The following CEP112 variants were observed in gnomAD, a reference collection of about 807,000 sequenced individuals.
CEP112 encodes centrosomal protein 112.
CEP112 carries 127 observed loss-of-function variants against 153.0 expected under a neutral mutation model. The ratio of observed to expected loss-of-function variants is 0.83; its 90% CI spans 0.72 to 0.96. The LOEUF (loss-of-function observed/expected upper bound fraction) is 0.96. CEP112 is among the 40% of genes least tolerant of loss of function. The pLI is 0.00. For missense variants in CEP112, 1,089 were observed against 1,101.2 expected, an observed-to-expected ratio of 0.99 and a Z score of 0.16; for synonymous variants, 358 against 374.4, an observed-to-expected ratio of 0.96 and a Z score of 0.51.
chr17:66,029,260 CA>C lies in CEP112; in HGVS notation c.1374-9del. Reference sequence around the variant, plus strand: ...TTATGCAGTGTGTTACGCCTAAAAACAAGAGAATAAAATAGACTTTCAATGT... The same window carrying C: ...TTATGCAGTGTGTTACGCCTAAAAACAGAGAATAAAATAGACTTTCAATGT... On this transcript the variant is annotated splice_polypyrimidine_tract_variant and intron_variant, in intron 13 of 26. Transcript: ENST00000535342. The C allele has an allele frequency of 6.2e-7, 1 of 1,603,126 alleles. No homozygotes were observed. Among genetic ancestry groups the C allele is most frequent in the Non-Finnish European group, 8.5e-7 (1 of 1,175,588 alleles).
At chr17:66,140,206 A>C (rs992359666) in intron 4 of CEP112, among the ~76,000 whole-genome samples, 1 of 152,186 alleles carries the variant, frequency 6.6e-6, no homozygotes, top group African/African-American at 2.4e-5. Context: ...ATGCAGAAAG[A>C]GCATGACGAA....
chr17:65,659,015 CAAAA>C (rs777326885), intron 24 of CEP112, among the ~76,000 whole-genome samples: 139 of 55,590 alleles, frequency 2.5e-3, no homozygotes, highest in African/African-American at 7.7e-3. Context: ...GACTCTGTCT[CAAAA>C]AAAAAAAAAA....
chr17:65,709,129 A>G (rs1391071638), intron 23 of CEP112, among the ~76,000 whole-genome samples: 1 of 152,170 alleles, frequency 6.6e-6, no homozygotes, highest in Non-Finnish European at 1.5e-5. Context: ...AATAACAATA[A>G]TCTCCCCTTT....
chr17:65,726,200 G>A (rs2050171489), intron 23 of CEP112, among the ~76,000 whole-genome samples: 1 of 151,984 alleles, frequency 6.6e-6, no homozygotes, highest in Non-Finnish European at 1.5e-5. Context: ...ATAGCTGGGT[G>A]TGGTGGTGGG....
At position 65,974,953 on chromosome 17, in the gene CEP112, TAA is replaced by T. The variant is rs34325518; in HGVS notation, c.1737-13357_1737-13356del. 1.7e-3 allele frequency among the ~76,000 whole-genome samples: 245 copies of T among 147,376 alleles called. 1 individual carries two copies. Among genetic ancestry groups the T allele is most frequent in the East Asian group, 2.7e-3 (14 of 5,112 alleles). On this transcript the variant is annotated intron_variant, in intron 17 of 26. Transcript: ENST00000535342. ...GGAATCATATTAATGTTTTATTTACTAAAAAAAAAAAAATGAAATAAGGACAG... is the reference window on the plus strand; with the variant it reads ...GGAATCATATTAATGTTTTATTTACTAAAAAAAAAAATGAAATAAGGACAG...
At chr17:65,663,561 G>T (rs1488971262) in intron 24 of CEP112, among the ~76,000 whole-genome samples, 3 of 152,186 alleles carry the variant, frequency 2.0e-5, no homozygotes, top group Non-Finnish European at 2.9e-5. Context: ...AGACTGGTGG[G>T]TAGTTAGGTG....
intron 14 of CEP112, among the ~76,000 whole-genome samples, 185 bp downstream of exon 14, chr17:66,028,938 T>C (rs11656768): frequency 0.51 from 78,162 of 151,904 alleles, 21,040 homozygotes; most frequent in African/African-American, 0.59. Context: ...TTGTGCTATA[T>C]AGTAGACATT....
chr17:65,851,980 C>A lies in CEP112; in HGVS notation c.2218G>T (p.Val740Leu). The change falls in exon 21 of 27, where the codon GTG (valine) becomes TTG (leucine). Residue 740 changes from valine (V) to leucine (L), a missense_variant. Transcript: ENST00000535342. ...AGCTGCTGTTTCCGCTGTGAGTTCACATTGATCAATTCTTCTCTCAACTTG... is the reference window on the plus strand; with the variant it reads ...AGCTGCTGTTTCCGCTGTGAGTTCAAATTGATCAATTCTTCTCTCAACTTG... ...VHKLREELIN[V>L]NSQRKQQLVE... 6.2e-7 allele frequency: 1 copy of A among 1,613,964 alleles called. No homozygotes were observed. Among genetic ancestry groups the A allele is most frequent in the Non-Finnish European group, 8.5e-7 (1 of 1,179,992 alleles).
intron 21 of CEP112, among the ~76,000 whole-genome samples, chr17:65,819,097 C>T (rs143135030): frequency 6.6e-6 from 1 of 151,910 alleles, no homozygotes; most frequent in Non-Finnish European, 1.5e-5. Flanking sequence ...TGCACTGAAT[C>T]TTGTTTTAAT....
intron 12 of CEP112, among the ~76,000 whole-genome samples, chr17:66,040,149 T>A (rs949473604): frequency 1.3e-5 from 2 of 152,190 alleles, no homozygotes; most frequent in Non-Finnish European, 2.9e-5. Flanking sequence ...AAACTGGATA[T>A]AAAAATTTGA....
intron 21 of CEP112, among the ~76,000 whole-genome samples, chr17:65,773,664 T>A (rs972239361): frequency 5.3e-5 from 8 of 152,176 alleles, no homozygotes; most frequent in Non-Finnish European, 1.0e-4. Flanking sequence ...ATGTAGCTAG[T>A]GATTTTTCGG....
intron 17 of CEP112, among the ~76,000 whole-genome samples, chr17:65,996,584 C>T (rs1251527929): frequency 6.6e-6 from 1 of 152,160 alleles, no homozygotes; most frequent in Non-Finnish European, 1.5e-5. Context: ...CCATCACGGG[C>T]TCACCACTGT....
chr17:66,115,417 G>C (rs186538255), intron 6 of CEP112, among the ~76,000 whole-genome samples: 115 of 152,274 alleles, frequency 7.6e-4, no homozygotes, highest in African/African-American at 2.7e-3. Context: ...AATTCTGTGA[G>C]TCAGCAACTT....
chr17:65,989,218 G>A (rs2063505945), intron 17 of CEP112, among the ~76,000 whole-genome samples: 1 of 143,080 alleles, frequency 7.0e-6, no homozygotes. Context: ...CTGGGAGACA[G>A]AGTGAGACTC....
intron 17 of CEP112, among the ~76,000 whole-genome samples, chr17:65,968,499 G>A (rs913486334): frequency 6.6e-6 from 1 of 152,118 alleles, no homozygotes; most frequent in Non-Finnish European, 1.5e-5. Flanking sequence ...GATATGAAAT[G>A]AAAAGTCGCA....
intron 19 of CEP112, among the ~76,000 whole-genome samples, chr17:65,916,325 G>A (rs1448010463): frequency 2.0e-5 from 3 of 149,922 alleles, no homozygotes; most frequent in Non-Finnish European, 3.0e-5. Flanking sequence ...GTGGGTAGTG[G>A]TAGTGTTTTT....
Position 66,066,895 on chromosome 17 carries a change from A to C in CEP112, c.856-18T>G, listed in dbSNP as rs1475728941. On this transcript the variant is annotated intron_variant, in intron 9 of 26. Coordinates refer to ENST00000535342, the MANE Select transcript of CEP112 (RefSeq NM_001199165.4). ...TCTAAAATCTGCAAATAAATTTAAA[A>C]TATTTCAGTATATTGTACTACTTTA... 1 of 1,429,140 alleles carries C rather than the reference A, an allele frequency of 7.0e-7. No homozygotes were observed. Among genetic ancestry groups the C allele is most frequent in the Non-Finnish European group, 9.4e-7 (1 of 1,063,574 alleles). The allele number at this position is 1,429,140 out of a possible 1,614,324, so 88.5% of individuals were successfully genotyped here.
At chr17:66,039,881 T>C (rs2065898260) in intron 12 of CEP112, among the ~76,000 whole-genome samples, 1 of 152,342 alleles carries the variant, frequency 6.6e-6, no homozygotes, top group South Asian at 2.1e-4. Flanking sequence ...TATATGCCTA[T>C]GGGATTCATC....
chr17:65,858,669 T>C (rs1007773533), intron 20 of CEP112, among the ~76,000 whole-genome samples: 3 of 152,232 alleles, frequency 2.0e-5, no homozygotes, highest in Admixed American at 1.3e-4. Flanking sequence ...TTCTAACTTC[T>C]TAAGCTGGTT....
Sources: allele counts gnomAD v4.1 joint callset (sites outside exome capture counted in the v4.1 genomes callset), GRCh38; gene constraint gnomAD v4.1.1; transcripts MANE v1.5; gene names NCBI Gene and HGNC (gene_info 2026-07-23, HGNC 2026-07-21).